The following CAMK2D variants were observed in gnomAD, a reference collection of about 807,000 sequenced individuals.
CAMK2D encodes calcium/calmodulin-dependent protein kinase type II subunit delta.
A neutral mutation model predicts 84.0 loss-of-function variants in CAMK2D; 37 were observed. The ratio of observed to expected loss-of-function variants is 0.44; its 90% CI spans 0.34 to 0.58. The LOEUF (loss-of-function observed/expected upper bound fraction) is 0.58. CAMK2D is among the 20% of genes least tolerant of loss of function. The pLI is 0.02. For synonymous variants in CAMK2D, 202 were observed against 212.5 expected (o/e 0.95, Z 0.43); for missense variants, 448 against 652.5 (o/e 0.69, Z 3.41).
At chr4:113,547,289 T>C (rs2098585719) in intron 6 of CAMK2D, among the ~76,000 whole-genome samples, 1 of 152,204 alleles carries the variant, frequency 6.6e-6, no homozygotes, top group Non-Finnish European at 1.5e-5. Flanking sequence ...ATATATCACA[T>C]GAATATAAAA....
rs72899813 is a variant in CAMK2D at position 113,717,277 on chromosome 4, T to A, written c.160+42043A>T. Among the ~76,000 whole-genome samples the A allele has an allele frequency of 9.4e-3, 1,425 of 152,232 alleles. 28 individuals are homozygous for A. The highest frequency in any genetic ancestry group is 0.032 in the African/African-American group (1,346 of 41,556). Reference sequence around the variant, plus strand: ...TTTATAAAATCAATTAGAAACAGTATCAATAGCCAAAGAAAATGTTTATTA... The same window carrying A: ...TTTATAAAATCAATTAGAAACAGTAACAATAGCCAAAGAAAATGTTTATTA... On this transcript the variant is annotated intron_variant, in intron 2 of 20. Coordinates refer to ENST00000511664, the MANE Select transcript of CAMK2D (RefSeq NM_001321571.2).
rs983520612 is a variant in CAMK2D, at chr4:113,452,562, G to A, written c.*1983C>T. On this transcript the variant is annotated 3_prime_UTR_variant, in exon 21 of 21. Transcript: ENST00000511664. ...AAATGTGTAATTCATTTGTGGTGGA[G>A]AGAACAAATCACAATTTCCTCACAT... 2 of 152,566 alleles carry A rather than the reference G, an allele frequency of 1.3e-5. No homozygotes were observed. The highest frequency in any genetic ancestry group is 2.9e-5 in the Non-Finnish European group (2 of 68,028). 9.5% of individuals were successfully genotyped at this position (152,566 alleles called of 1,614,324 possible). A position where few individuals can be genotyped will look rare whatever the true frequency, so the allele number is the denominator to read the frequency against.
intron 2 of CAMK2D, among the ~76,000 whole-genome samples, chr4:113,716,462 C>A (rs557752260): frequency 6.6e-6 from 1 of 152,040 alleles, no homozygotes; most frequent in South Asian, 2.1e-4. Flanking sequence ...CCAGCCTCAC[C>A]AACATGGCAA....
At chr4:113,470,575 T>C (rs1475539345) in intron 16 of CAMK2D, among the ~76,000 whole-genome samples, 3 of 151,412 alleles carry the variant, frequency 2.0e-5, no homozygotes, top group African/African-American at 4.9e-5. Context: ...TAGGTGGAGG[T>C]TGCAGTGAGC....
At position 113,571,073 on chromosome 4, in the gene CAMK2D, T is replaced by C. The variant is rs147084567; in HGVS notation, c.276-18977A>G. Among the ~76,000 whole-genome samples, 198 of 152,070 alleles carry C rather than the reference T, an allele frequency of 1.3e-3. 1 individual carries two copies. Among genetic ancestry groups the C allele is most frequent in the African/African-American group, 4.7e-3 (194 of 41,468 alleles). On this transcript the variant is annotated intron_variant, in intron 4 of 20. Transcript: ENST00000511664. ...TCAACATAACTAATCATCAGGAAAA[T>C]GCAAATTAAGGCTACAATAAAATAT... is the stretch of plus-strand genomic sequence containing the variant.
intron 4 of CAMK2D, among the ~76,000 whole-genome samples, chr4:113,600,465 CT>C (rs1171954598): frequency 4.0e-5 from 6 of 151,804 alleles, no homozygotes; most frequent in Non-Finnish European, 7.4e-5. Flanking sequence ...TAAAACTGAT[CT>C]AAAATATAAA....
intron 4 of CAMK2D, among the ~76,000 whole-genome samples, chr4:113,596,935 T>C (rs1222498986): frequency 6.6e-6 from 1 of 151,944 alleles, no homozygotes; most frequent in Non-Finnish European, 1.5e-5. Flanking sequence ...TTCTCCTGCC[T>C]CAGCCTCCTG....
chr4:113,503,110 G>C lies in CAMK2D; in HGVS notation c.1045-133C>G, dbSNP rs1033248952. The C allele has an allele frequency of 2.5e-5, 19 of 757,238 alleles. No homozygotes were observed. The Admixed American group carries it at 3.5e-4, about 14-fold the overall frequency. 46.9% of individuals were successfully genotyped at this position (757,238 alleles called of 1,614,324 possible). A position where few individuals can be genotyped will look rare whatever the true frequency, so the allele number is the denominator to read the frequency against. On this transcript the variant is annotated intron_variant, in intron 14 of 20. Coordinates refer to ENST00000511664, the MANE Select transcript of CAMK2D (RefSeq NM_001321571.2). The stretch of plus-strand genomic sequence containing the variant: ...AAGAGCTAAAGCGATGTTAACTGCT[G>C]TCAGAGTTGCAGCTGACAATATCTC...
At chr4:113,752,172 T>C (rs971893200) in intron 2 of CAMK2D, among the ~76,000 whole-genome samples, 16 of 151,798 alleles carry the variant, frequency 1.1e-4, no homozygotes, top group African/African-American at 3.1e-4. Context: ...GTAGGGAGAA[T>C]GTTCTAGTTA....
intron 20 of CAMK2D, among the ~76,000 whole-genome samples, 160 bp downstream of exon 20, chr4:113,455,566 T>C (rs1318552207): frequency 6.6e-6 from 1 of 152,178 alleles, no homozygotes; most frequent in African/African-American, 2.4e-5. Context: ...GAATGTTAGA[T>C]TCAAAAGCTC....
intron 16 of CAMK2D, among the ~76,000 whole-genome samples, chr4:113,496,446 C>CTTT (rs543371495): frequency 5.8e-5 from 7 of 120,664 alleles, no homozygotes; most frequent in Admixed American, 8.6e-5. Context: ...CTCCCATTTG[C>CTTT]TTTTTTTTTT....
intron 4 of CAMK2D, among the ~76,000 whole-genome samples, chr4:113,604,489 C>A (rs1274573593): frequency 1.3e-5 from 2 of 152,098 alleles, no homozygotes; most frequent in African/African-American, 4.8e-5. Flanking sequence ...ACTGGTAGAT[C>A]ATTTTCAGGA....
At chr4:113,471,839 C>A (rs1410001489) in intron 16 of CAMK2D, among the ~76,000 whole-genome samples, 1 of 152,062 alleles carries the variant, frequency 6.6e-6, no homozygotes, top group Non-Finnish European at 1.5e-5. Context: ...GGTCTAGAAG[C>A]TGAAGCCCAA....
chr4:113,622,573 C>T (rs768823256), intron 3 of CAMK2D, among the ~76,000 whole-genome samples: 3 of 152,136 alleles, frequency 2.0e-5, no homozygotes, highest in East Asian at 1.9e-4. Context: ...GAGACCAGCC[C>T]GGGCCACAAA....
chr4:113,461,518 G>C (rs1385801788), intron 17 of CAMK2D, among the ~76,000 whole-genome samples: 1 of 152,102 alleles, frequency 6.6e-6, no homozygotes, highest in Admixed American at 6.6e-5. Flanking sequence ...AATGATGACT[G>C]GTTGCTTGAT....
intron 2 of CAMK2D, among the ~76,000 whole-genome samples, chr4:113,726,403 T>TG (rs2099546247): frequency 7.5e-6 from 1 of 133,796 alleles, no homozygotes; most frequent in African/African-American, 2.8e-5. Context: ...TTTTTTGAGT[T>TG]GGGGTCTCAC....
chr4:113,459,407 TG>T (rs1375458186), intron 18 of CAMK2D, among the ~76,000 whole-genome samples: 1 of 151,906 alleles, frequency 6.6e-6, no homozygotes, highest in Non-Finnish European at 1.5e-5. Flanking sequence ...TTTGTAGAGA[TG>T]GGGTCTCACT....
At chr4:113,682,384 T>G (rs1417692880) in intron 2 of CAMK2D, among the ~76,000 whole-genome samples, 4 of 152,072 alleles carry the variant, frequency 2.6e-5, no homozygotes, top group Non-Finnish European at 5.9e-5. Flanking sequence ...CTCAGACTTT[T>G]ATAAATTAAA....
chr4:113,491,419 G>A (rs2097842496), intron 16 of CAMK2D, among the ~76,000 whole-genome samples: 1 of 148,326 alleles, frequency 6.7e-6, no homozygotes, highest in South Asian at 2.2e-4. Context: ...TTTTGTCTTT[G>A]GCTCTGTGTA....
Sources: gnomAD v4.1 joint callset for allele counts (sites outside exome capture counted in the v4.1 genomes callset) on GRCh38, gnomAD v4.1.1 for gene constraint, MANE v1.5 for transcripts, NCBI Gene and HGNC (gene_info 2026-07-23, HGNC 2026-07-21) for gene names.